DCAF5: variants seen among roughly 807,000 people sequenced by gnomAD.
The protein encoded by DCAF5 is DDB1- and CUL4-associated factor 5.
Under a neutral mutation model 80.7 loss-of-function variants are expected in DCAF5, and 9 were observed. The ratio of observed to expected loss-of-function variants is 0.11; its 90% confidence interval spans 0.07 to 0.19. The LOEUF (loss-of-function observed/expected upper bound fraction) is 0.19, where lower values mean the gene tolerates loss of function less well. Among genes scored for constraint, DCAF5 ranks in the 10% least tolerant of loss-of-function variants. The pLI, the probability that DCAF5 is intolerant of heterozygous loss-of-function variation, is 1.00. For synonymous variants in DCAF5, 433 were observed against 461.9 expected, an observed-to-expected ratio of 0.94 and a Z score of 0.80; for missense variants, 842 against 1,205.7, an observed-to-expected ratio of 0.70 and a Z score of 4.47.
Position 69,054,532 on chromosome 14 carries a change from C to T in DCAF5, c.2154G>A (p.Gln718=), listed in dbSNP as rs2037877654. Residue 718 remains glutamine, a synonymous_variant, in exon 9 of 9, where the codon CAG becomes CAA. Transcript: ENST00000341516. ...KEACLNIAMA[Q]RNQDLPPEGC... is the part of the protein sequence containing the mutation. ...CTTCAGGTGGCAGGTCCTGGTTCCT[C>T]TGGGCCATTGCTATGTTTAGACAGG... 6.2e-7 allele frequency: 1 copy of T among 1,614,096 alleles called. No homozygotes were observed.
intron 7 of DCAF5, among the ~76,000 whole-genome samples, chr14:69,068,118 T>C (rs936914214): frequency 6.6e-6 from 1 of 152,196 alleles, no homozygotes; most frequent in African/African-American, 2.4e-5. Flanking sequence ...CAGAAGCCAC[T>C]TTTACATCGA....
At chr14:69,092,511 A>G (rs1253839052) in intron 5 of DCAF5, among the ~76,000 whole-genome samples, 1 of 152,128 alleles carries the variant, frequency 6.6e-6, no homozygotes, top group Admixed American at 6.5e-5. Flanking sequence ...CCAGCTGCTC[A>G]GGAGGCTGAG....
intron 5 of DCAF5, among the ~76,000 whole-genome samples, chr14:69,111,153 T>C (rs759428506): frequency 2.0e-5 from 3 of 152,172 alleles, no homozygotes; most frequent in Non-Finnish European, 2.9e-5. Flanking sequence ...TTTCCTATAA[T>C]GGTATGAGCA....
intron 5 of DCAF5, among the ~76,000 whole-genome samples, chr14:69,113,023 AT>A (rs372508205): frequency 0.03 from 4,486 of 149,796 alleles, 66 homozygotes; most frequent in Admixed American, 0.035. Flanking sequence ...TAGAGCTGAC[AT>A]TTTTTTTTTC....
intron 1 of DCAF5, among the ~76,000 whole-genome samples, chr14:69,136,180 G>C (rs2041191892): frequency 6.8e-6 from 1 of 147,666 alleles, no homozygotes; most frequent in African/African-American, 2.5e-5. Flanking sequence ...CAGTGGGGCA[G>C]TCATAGCTCA....
At chr14:69,100,758 T>C (rs1594997078) in intron 5 of DCAF5, among the ~76,000 whole-genome samples, 1 of 152,234 alleles carries the variant, frequency 6.6e-6, no homozygotes, top group Non-Finnish European at 1.5e-5. Context: ...AGCAGTGTTC[T>C]TGGAAAGTCT....
Position 69,053,940 on chromosome 14 carries a change from G to A in DCAF5, c.2746C>T (p.His916Tyr), listed in dbSNP as rs756901508. Residue 916 changes from histidine to tyrosine, a missense_variant, in exon 9 of 9, where the codon CAC becomes TAC. By Grantham distance (83) the His-to-Tyr change is moderately conservative. Around this residue, in one of 5 missense-constraint regions of DCAF5, gnomAD observed 607 missense variants for 656.6 expected, o/e 0.92. Transcript: ENST00000341516. ...ATDSSRAVHG[H>Y]SGLKRQRIEL... is the part of the protein sequence containing the mutation. Reference sequence around the variant, plus strand: ...ATTCGTTGCCTTTTGAGGCCACTGTGGCCATGAACAGCCCTGCTACTATCT... The same window carrying A: ...ATTCGTTGCCTTTTGAGGCCACTGTAGCCATGAACAGCCCTGCTACTATCT... The A allele has an allele frequency of 2.5e-6, 4 of 1,612,820 alleles. No homozygotes were observed. The South Asian group carries it at 4.4e-5, about 18-fold the overall frequency.
chr14:69,119,491 A>G (rs985165545), intron 2 of DCAF5, among the ~76,000 whole-genome samples: 8 of 139,396 alleles, frequency 5.7e-5, no homozygotes, highest in Non-Finnish European at 7.7e-5. Flanking sequence ...TGGATGATGT[A>G]AAAAAAAAAA....
At chr14:69,097,174 T>G (rs1041231779) in intron 5 of DCAF5, among the ~76,000 whole-genome samples, 3 of 152,108 alleles carry the variant, frequency 2.0e-5, no homozygotes, top group African/African-American at 7.2e-5. Context: ...AAATCATGAT[T>G]TAGTACTTTC....
chr14:69,102,132 A>C (rs962263020), intron 5 of DCAF5, among the ~76,000 whole-genome samples: 1 of 145,546 alleles, frequency 6.9e-6, no homozygotes, highest in Non-Finnish European at 1.5e-5. Flanking sequence ...TTTTTGAGAC[A>C]AAGTCTCACT....
chr14:69,128,601 C>A (rs2040944316), intron 1 of DCAF5, among the ~76,000 whole-genome samples: 1 of 152,170 alleles, frequency 6.6e-6, no homozygotes. Context: ...CACAGTCTCT[C>A]CTGAATTGAA....
chr14:69,137,149 G>A (rs1390390182), intron 1 of DCAF5, among the ~76,000 whole-genome samples: 5 of 152,158 alleles, frequency 3.3e-5, no homozygotes, highest in African/African-American at 1.2e-4. Flanking sequence ...CTGATGACTT[G>A]TATGATTTCA....
In DCAF5 at chr14:69,053,816, TAAGG is replaced by T; in HGVS notation, c.*37_*40del. 6.6e-7 allele frequency: 1 copy of T among 1,520,928 alleles called. No individual in the cohort carries two copies. The highest frequency in any genetic ancestry group is 8.7e-7 in the Non-Finnish European group (1 of 1,143,372). The allele number at this position is 1,520,928 out of a possible 1,614,324, so 94.2% of individuals were successfully genotyped here. A position where few individuals can be genotyped will look rare whatever the true frequency, so the allele number is the denominator to read the frequency against. Reference sequence around the variant, plus strand: ...TCACTAAACAATTTTTTTTTTTTTGTAAGGCTACTTTTGTAGCTTTTTGTTTTCC... The same window carrying T: ...TCACTAAACAATTTTTTTTTTTTTGTCTACTTTTGTAGCTTTTTGTTTTCC... On this transcript the variant is annotated 3_prime_UTR_variant, in exon 9 of 9. Coordinates refer to ENST00000341516, the MANE Select transcript of DCAF5 (RefSeq NM_003861.3).
intron 5 of DCAF5, among the ~76,000 whole-genome samples, chr14:69,098,177 CCTCTTCA>C (rs1358657604): frequency 6.6e-6 from 1 of 152,172 alleles, no homozygotes; most frequent in Non-Finnish European, 1.5e-5. Context: ...CCACATGGTG[CCTCTTCA>C]CTGCTCCTAG....
intron 8 of DCAF5, among the ~76,000 whole-genome samples, chr14:69,058,467 C>T (rs568669231): frequency 9.9e-5 from 15 of 151,748 alleles, no homozygotes; most frequent in South Asian, 2.1e-4. Context: ...TGCAGTGAGC[C>T]GAGATCGCGC....
Position 69,055,100 on chromosome 14 carries a change from T to C in DCAF5, c.1586A>G (p.Asn529Ser), listed in dbSNP as rs777143763. The C allele has an allele frequency of 8.3e-5, 134 of 1,614,056 alleles. No individual in the cohort carries two copies. The highest frequency in any genetic ancestry group is 1.7e-4 in the African/African-American group (13 of 74,902). ...YQDKRLLALS[N>S]ESDSEENVCE... ...GACATTCTCCTCAGAATCGGACTCA[T>C]TGGAAAGGGCCAGGAGGCGTTTGTC... is the stretch of plus-strand genomic sequence containing the variant. Residue 529 changes from asparagine (N) to serine (S), a missense_variant, in exon 9 of 9, where the codon AAT (asparagine) becomes AGT (serine). Coordinates refer to ENST00000341516, the MANE Select transcript of DCAF5 (RefSeq NM_003861.3). The surrounding 1 kb of genome is among the most constrained non-coding windows in gnomAD (Gnocchi z 5.6).
intron 1 of DCAF5, among the ~76,000 whole-genome samples, chr14:69,140,274 A>AG (rs1193569748): frequency 2.0e-5 from 3 of 151,574 alleles, no homozygotes; most frequent in African/African-American, 7.3e-5. Flanking sequence ...CTAAAAAAAA[A>AG]AGAGAGAGAG....
chr14:69,132,965 G>A (rs2041084681), intron 1 of DCAF5, among the ~76,000 whole-genome samples: 3 of 152,196 alleles, frequency 2.0e-5, no homozygotes, highest in East Asian at 1.9e-4. Flanking sequence ...TAGGATTAAT[G>A]AGATAGATCT....
intron 1 of DCAF5, among the ~76,000 whole-genome samples, chr14:69,139,265 C>T (rs1032339526): frequency 6.6e-6 from 1 of 150,926 alleles, no homozygotes; most frequent in Non-Finnish European, 1.5e-5. Flanking sequence ...GTGGGAAGAT[C>T]GCTTGAGGCC....
Sources: allele counts gnomAD v4.1 joint callset (sites outside exome capture counted in the v4.1 genomes callset), GRCh38; gene constraint gnomAD v4.1.1; regional missense constraint gnomAD v4.1.1; non-coding constraint Gnocchi (gnomAD v3.1); transcripts MANE v1.5; gene names NCBI Gene and HGNC (gene_info 2026-07-23, HGNC 2026-07-21).